The following NOSTRIN variants were observed in gnomAD, a reference collection of about 807,000 sequenced individuals.
NOSTRIN encodes BM247 homolog.
NOSTRIN carries 63 observed loss-of-function variants against 59.0 expected under a neutral mutation model. The ratio of observed to expected loss-of-function variants is 1.07; its 90% CI spans 0.87 to 1.32. The LOEUF is 1.32. Among genes scored for constraint, NOSTRIN ranks in the 40% most tolerant of loss-of-function variants. The pLI is 0.00. For missense variants in NOSTRIN, 512 were observed against 473.1 expected (o/e 1.08, Z -0.76); for synonymous variants, 200 against 165.4 (o/e 1.21, Z -1.61).
At chr2:168,822,366 A>G (rs1686794865) in intron 2 of NOSTRIN, among the ~76,000 whole-genome samples, 1 of 152,224 alleles carries the variant, frequency 6.6e-6, no homozygotes. Flanking sequence ...AATGAATAGT[A>G]ATTTAGCAAT....
At chr2:168,834,781 C>T (rs932843556) in intron 7 of NOSTRIN, among the ~76,000 whole-genome samples, 4 of 151,696 alleles carry the variant, frequency 2.6e-5, no homozygotes, top group African/African-American at 9.7e-5. Flanking sequence ...CTATTAATAT[C>T]TTAAAAAAAC....
intron 1 of NOSTRIN, among the ~76,000 whole-genome samples, chr2:168,808,248 G>A (rs1685963619): frequency 6.6e-6 from 1 of 152,164 alleles, no homozygotes; most frequent in Non-Finnish European, 1.5e-5. Context: ...TTGATGTCCA[G>A]GGTCCCTTGT....
chr2:168,800,137 C>T (rs1377814492), upstream of NOSTRIN, among the ~76,000 whole-genome samples: 1 of 152,224 alleles, frequency 6.6e-6, no homozygotes, highest in Non-Finnish European at 1.5e-5. Context: ...CCTCAGCCAA[C>T]AGCTAGCTCC....
At position 168,855,333 on chromosome 2, in the gene NOSTRIN, T is replaced by C; in HGVS notation, c.856-19T>C. 7.5e-7 allele frequency: 1 copy of C among 1,338,730 alleles called. No individual in the cohort carries two copies. The highest frequency in any genetic ancestry group is 1.1e-6 in the Non-Finnish European group (1 of 947,690). 82.9% of individuals were successfully genotyped at this position (1,338,730 alleles called of 1,614,324 possible). On this transcript the variant is annotated intron_variant, in intron 10 of 15. Transcript: ENST00000317647. ...CTTACTTCTTCCCCCTTGTTAGACA[T>C]CCTTCTTTTTTCCTAAAGGAAGAAG...
At chr2:168,798,926 A>AG (rs1219548791), upstream of NOSTRIN, among the ~76,000 whole-genome samples, 5 of 152,108 alleles carry the variant, frequency 3.3e-5, no homozygotes, top group Non-Finnish European at 5.9e-5. Context: ...AGGCCCAGAG[A>AG]GGGGAGTATG....
At position 168,851,471 on chromosome 2, in the gene NOSTRIN, GA is replaced by G. The variant is rs551801224; in HGVS notation, c.855+73del. 1.3e-4 allele frequency: 192 copies of G among 1,520,328 alleles called. No individual in the cohort carries two copies. In the African/African-American group the frequency reaches 2.5e-3, roughly 20 times the overall value. 94.2% of individuals were successfully genotyped at this position (1,520,328 alleles called of 1,614,324 possible). ...TCTTAGGTACTGAGGGACTTACATTGAAAAAATTGAAAGCAAATATCATGTT... is the reference window on the plus strand; with the variant it reads ...TCTTAGGTACTGAGGGACTTACATTGAAAAATTGAAAGCAAATATCATGTT... On this transcript the variant is annotated intron_variant, in intron 10 of 15. Transcript: ENST00000317647.
At chr2:168,859,768 GATAA>G (rs1689330456) in intron 13 of NOSTRIN, 131 bp downstream of exon 13, 1 of 1,215,230 alleles carries the variant, frequency 8.2e-7, no homozygotes, top group African/African-American at 1.6e-5. Context: ...TAGTTAAGAA[GATAA>G]ATGTTTTTAT....
chr2:168,819,083 G>A lies in NOSTRIN; in HGVS notation c.114-5551G>A, dbSNP rs146104426. The stretch of plus-strand genomic sequence containing the variant: ...AAAGGGCTAGAGAATTAAGCACAAT[G>A]TCTTTACAAGCTTGTTTCTGACTAT... On this transcript the variant is annotated intron_variant, in intron 2 of 15. Coordinates refer to ENST00000317647, the MANE Select transcript of NOSTRIN (RefSeq NM_001039724.4). 8.2e-3 allele frequency among the ~76,000 whole-genome samples: 1,244 copies of A among 152,222 alleles called. 14 individuals are homozygous for A. Among genetic ancestry groups the A allele is most frequent in the Admixed American group, 0.018 (272 of 15,294 alleles).
chr2:168,788,275 C>G (rs1049896811), intron 2 of NOSTRIN, among the ~76,000 whole-genome samples: 1 of 151,118 alleles, frequency 6.6e-6, no homozygotes, highest in Non-Finnish European at 1.5e-5. Context: ...ATATTGATGA[C>G]TTTTTCTTCT....
At chr2:168,860,159 C>T (rs75924697) in intron 13 of NOSTRIN, among the ~76,000 whole-genome samples, 102 of 152,264 alleles carry the variant, frequency 6.7e-4, no homozygotes, top group African/African-American at 2.2e-3. Flanking sequence ...CAATCATTTA[C>T]AGGGTTGTGA....
intron 2 of NOSTRIN, 116 bp from the exon 3 acceptor site, chr2:168,824,518 T>G: frequency 1.6e-6 from 1 of 627,330 alleles, no homozygotes; most frequent in Admixed American, 2.4e-5. Flanking sequence ...AGGCTGGTCT[T>G]GAACTCCTGG....
At chr2:168,793,091 C>T (rs1032461411) in intron 2 of NOSTRIN, among the ~76,000 whole-genome samples, 6 of 152,312 alleles carry the variant, frequency 3.9e-5, no homozygotes, top group African/African-American at 7.2e-5. Context: ...ACTTGGGCTT[C>T]GTTCTAGATT....
At chr2:168,847,614 A>T (rs1327057531) in intron 8 of NOSTRIN, among the ~76,000 whole-genome samples, 2 of 152,230 alleles carry the variant, frequency 1.3e-5, no homozygotes, top group African/African-American at 4.8e-5. Flanking sequence ...TGAAGAACAA[A>T]TTGTCATGAT....
At chr2:168,834,349 C>G (rs374903790) in intron 7 of NOSTRIN, 24 bp downstream of exon 7, 9 of 868,950 alleles carry the variant, frequency 1.0e-5, no homozygotes, top group Admixed American at 8.5e-5. Context: ...GCTGGCTGGG[C>G]GCATGTGCCA....
intron 12 of NOSTRIN, among the ~76,000 whole-genome samples, chr2:168,857,058 C>CT (rs1689174148): frequency 6.6e-6 from 1 of 152,162 alleles, no homozygotes; most frequent in Non-Finnish European, 1.5e-5. Flanking sequence ...ACCATGTGCA[C>CT]TTTAACCCAG....
rs1685953202 is a variant in NOSTRIN at position 168,808,111 on chromosome 2, T to C, written c.28-3456T>C. On this transcript the variant is annotated intron_variant, in intron 1 of 15. Coordinates refer to ENST00000317647, the MANE Select transcript of NOSTRIN (RefSeq NM_001039724.4). Reference sequence around the variant, plus strand: ...AAAAATGTGTCTTAGGGAGTTTTGATGGCTTGATAAGTTTAGGAAATGCAG... The same window carrying C: ...AAAAATGTGTCTTAGGGAGTTTTGACGGCTTGATAAGTTTAGGAAATGCAG... Among the ~76,000 whole-genome samples the C allele has an allele frequency of 1.3e-5, 2 of 152,224 alleles. 1 individual carries two copies. Among genetic ancestry groups the C allele is most frequent in the South Asian group, 4.1e-4 (2 of 4,830 alleles).
chr2:168,847,003 A>T (rs1688468154), intron 8 of NOSTRIN, among the ~76,000 whole-genome samples: 1 of 152,240 alleles, frequency 6.6e-6, no homozygotes, highest in African/African-American at 2.4e-5. Flanking sequence ...CAAACCAGAC[A>T]CAGATTTCTA....
At chr2:168,844,393 T>TAA (rs10636938) in intron 8 of NOSTRIN, among the ~76,000 whole-genome samples, 47,705 of 151,090 alleles carry the variant, frequency 0.32, 10,208 homozygotes, top group African/African-American at 0.62. Context: ...GTTTTAAGTT[T>TAA]AAAAAAAAAA....
At chr2:168,801,590 C>T (rs1685616406), upstream of NOSTRIN, among the ~76,000 whole-genome samples, 1 of 152,150 alleles carries the variant, frequency 6.6e-6, no homozygotes, top group African/African-American at 2.4e-5. Flanking sequence ...GTCAGCCAGT[C>T]AGGTGAAAAC....
Sources: allele counts gnomAD v4.1 joint callset (sites outside exome capture counted in the v4.1 genomes callset), GRCh38; gene constraint gnomAD v4.1.1; transcripts MANE v1.5; gene names NCBI Gene and HGNC (gene_info 2026-07-23, HGNC 2026-07-21).